Variants in DNAH10 observed in about 807,000 individuals in gnomAD.
DNAH10 encodes dynein axonemal heavy chain 10.
In DNAH10, 348 loss-of-function variants were observed where a neutral mutation model predicts 506.6. The observed-to-expected ratio is 0.69, with a 90% CI of 0.63 to 0.75. The LOEUF (loss-of-function observed/expected upper bound fraction) is 0.75. Among genes scored for constraint, DNAH10 ranks in the 30% least tolerant of loss-of-function variants. The pLI is 0.00. For missense variants in DNAH10, 5,179 were observed against 5,787.1 expected (o/e 0.89, Z 3.41); for synonymous variants, 2,059 against 2,198.6 (o/e 0.94, Z 1.78).
At chr12:123,806,033 C>A (rs1454533737) in intron 18 of DNAH10, among the ~76,000 whole-genome samples, 3 of 152,180 alleles carry the variant, frequency 2.0e-5, no homozygotes, top group Admixed American at 6.5e-5. Flanking sequence ...GCGTTGGCCT[C>A]CCAAAGTGCT....
chr12:123,781,971 G>C (rs888376108), intron 6 of DNAH10, among the ~76,000 whole-genome samples: 1 of 152,054 alleles, frequency 6.6e-6, no homozygotes, highest in Non-Finnish European at 1.5e-5. Context: ...CACTCAGTGG[G>C]TGTTTTCAGT....
chr12:123,865,264 T>C (rs1594231599), intron 40 of DNAH10, among the ~76,000 whole-genome samples: 1 of 40,610 alleles, frequency 2.5e-5, no homozygotes, highest in East Asian at 3.8e-4. Context: ...TTTAATCTCA[T>C]TTTTTTTTTT....
Position 123,850,987 on chromosome 12 carries a change from G to C in DNAH10, c.6202G>C (p.Ala2068Pro), listed in dbSNP as rs779681668. Reference sequence around the variant, plus strand: ...CACGGAGCTGCCCGAGTCGGTGAAGGCGCTGTTCAGGCCTGTGGTCGTGAT... The same window carrying C: ...CACGGAGCTGCCCGAGTCGGTGAAGCCGCTGTTCAGGCCTGTGGTCGTGAT... ...GRTELPESVK[A>P]LFRPVVVIVP... Residue 2068 changes from alanine (A) to proline (P), a missense_variant, in exon 35 of 79, where the codon GCG becomes CCG. Around this residue, in one of 3 missense-constraint regions of DNAH10, gnomAD observed 4,844 missense variants for 5,430.5 expected, o/e 0.89. Coordinates refer to ENST00000673944, the MANE Select transcript of DNAH10 (RefSeq NM_001372106.1). The surrounding 1 kb of genome is among the most constrained non-coding windows in gnomAD (Gnocchi z 5.5). 1 of 1,614,108 alleles carries C rather than the reference G, an allele frequency of 6.2e-7. No homozygotes were observed. The highest frequency in any genetic ancestry group is 1.1e-5 in the South Asian group (1 of 91,074).
intron 41 of DNAH10, among the ~76,000 whole-genome samples, 193 bp downstream of exon 41, chr12:123,866,266 C>T (rs1337470422): frequency 4.8e-4 from 25 of 52,510 alleles, no homozygotes; most frequent in Admixed American, 1.5e-3. Flanking sequence ...TTTTTGGAGA[C>T]GGAGTCTCGC....
intron 1 of DNAH10, among the ~76,000 whole-genome samples, chr12:123,766,116 A>G (rs548802499): frequency 6.9e-5 from 10 of 144,352 alleles, no homozygotes; most frequent in Non-Finnish European, 1.1e-4. Flanking sequence ...CTGTCTGTCT[A>G]TCTATCTATA....
Position 123,845,812 on chromosome 12 carries a change from C to G in DNAH10, c.5573C>G (p.Thr1858Ser), listed in dbSNP as rs565998620. Residue 1858 changes from threonine to serine, a missense_variant, in exon 31 of 79, where the codon ACT (threonine) becomes AGT (serine). Physicochemically the swap from Thr to Ser is moderately conservative, Grantham distance 58 (BLOSUM62 1). Around this residue, in one of 3 missense-constraint regions of DNAH10, gnomAD observed 4,844 missense variants for 5,430.5 expected, o/e 0.89. Transcript: ENST00000673944. ...AAAAACGACAGGAAAAAATACAACA[C>G]TGTTCTCATCATTGATGTGCATGCC... The part of the protein sequence containing the change: ...LSKNDRKKYN[T>S]VLIIDVHARD... 2 of 1,614,028 alleles carry G rather than the reference C, an allele frequency of 1.2e-6. No homozygotes were observed. Among genetic ancestry groups the G allele is most frequent in the African/African-American group, 1.3e-5 (1 of 75,050 alleles).
In DNAH10 at chr12:123,857,243, TC is replaced by T; in HGVS notation, c.6628del (p.Gln2210ArgfsTer13). On this transcript the variant is annotated frameshift_variant, in exon 37 of 79. Transcript: ENST00000673944. LOFTEE classifies it high-confidence loss of function. ...GAGAACGGCTACGCGGTCCTACCCA[TC>T]CAGGTAAAGCCAGGAAAATGACCTC... ...LEENGYAVLP[I>X]QVDKVVQMFE... 6.4e-7 allele frequency: 1 copy of T among 1,554,284 alleles called. No homozygotes were observed. Among genetic ancestry groups the T allele is most frequent in the Non-Finnish European group, 8.7e-7 (1 of 1,146,066 alleles).
chr12:123,812,304 A>T (rs143034219), intron 19 of DNAH10, among the ~76,000 whole-genome samples: 2,179 of 152,168 alleles, frequency 0.014, 44 homozygotes, highest in African/African-American at 0.043. Flanking sequence ...ACCAAAAATT[A>T]TCTGGATGTG....
At chr12:123,833,001 C>T in intron 26 of DNAH10, 113 bp from the exon 27 acceptor site, 1 of 741,780 alleles carries the variant, frequency 1.3e-6, no homozygotes, top group Non-Finnish European at 2.3e-6. Flanking sequence ...GAAACAGACC[C>T]AGGACTCCGA....
chr12:123,789,990 C>T lies in DNAH10; in HGVS notation c.1684C>T (p.Arg562Cys), dbSNP rs375391848. ...ELKAVTGDPKRIDDVLCRVDG... is the reference protein window; with the variant it reads ...ELKAVTGDPKCIDDVLCRVDG... ...AAAGGCAGTGACGGGGGACCCCAAG[C>T]GCATTGATGATGTCCTATGCAGAGT... The change falls in exon 11 of 79, where the codon CGC becomes TGC. Residue 562 changes from arginine to cysteine, a missense_variant. By Grantham distance (180) the Arg-to-Cys change is radical. Transcript: ENST00000673944. 4.5e-5 allele frequency: 72 copies of T among 1,614,106 alleles called. No individual in the cohort carries two copies. Among genetic ancestry groups the T allele is most frequent in the East Asian group, 2.5e-4 (11 of 44,882 alleles).
chr12:123,851,443 C>A (rs908893345), intron 35 of DNAH10, among the ~76,000 whole-genome samples: 1 of 151,276 alleles, frequency 6.6e-6, no homozygotes, highest in Non-Finnish European at 1.5e-5. Context: ...TTTTTTTCTG[C>A]TGTGTCTCTC....
chr12:123,859,908 G>C (rs564929190), intron 38 of DNAH10, among the ~76,000 whole-genome samples: 58 of 152,000 alleles, frequency 3.8e-4, no homozygotes, highest in Admixed American at 9.8e-4. Context: ...ATGTGCACCT[G>C]TAGTACAGCT....
Position 123,928,572 on chromosome 12 carries a change from G to A in DNAH10, c.12291G>A (p.Leu4097=), listed in dbSNP as rs539456172. ...DPTKGFPIGI[L]QKSLKVVTEP... ...CCAAGGGCTTCCCCATTGGGATTCTGCAGAAGTCCCTAAAGGTCTGGCTTC... is the reference window on the plus strand; with the variant it reads ...CCAAGGGCTTCCCCATTGGGATTCTACAGAAGTCCCTAAAGGTCTGGCTTC... The change falls in exon 70 of 79, where the codon CTG becomes CTA. Residue 4097 remains leucine, a synonymous_variant. Coordinates refer to ENST00000673944, the MANE Select transcript of DNAH10 (RefSeq NM_001372106.1). The surrounding 1 kb of genome is among the most constrained non-coding windows in gnomAD (Gnocchi z 4.9). 66 of 1,602,834 alleles carry A rather than the reference G, an allele frequency of 4.1e-5. No homozygotes were observed. The East Asian group carries it at 1.4e-3, about 34-fold the overall frequency.
intron 72 of DNAH10, 35 bp downstream of exon 72, chr12:123,929,794 C>T: frequency 1.9e-6 from 3 of 1,582,542 alleles, no homozygotes; most frequent in Non-Finnish European, 2.6e-6. Context: ...GCAGGTGCCT[C>T]TGGGGCTACA....
chr12:123,834,617 C>CT (rs1960938779), intron 27 of DNAH10, among the ~76,000 whole-genome samples: 1 of 152,214 alleles, frequency 6.6e-6, no homozygotes, highest in Admixed American at 6.5e-5. Flanking sequence ...ACCACCACCT[C>CT]TAATTCCAGA....
chr12:123,846,963 A>G lies in DNAH10; in HGVS notation c.5814+809A>G, dbSNP rs1950969925. 6.6e-6 allele frequency among the ~76,000 whole-genome samples: 1 copy of G among 152,170 alleles called. No homozygotes were observed. On this transcript the variant is annotated intron_variant, in intron 32 of 78. Coordinates refer to ENST00000673944, the MANE Select transcript of DNAH10 (RefSeq NM_001372106.1). This position sits in a 1 kb window ranked among gnomAD's most constrained non-coding sequence, Gnocchi z 4.5. ...TGCTGCCTCCTGTGCTGTGAGTGAT[A>G]AAGTCCTTTGTTTTTGAGAAAAAGA... is the stretch of plus-strand genomic sequence containing the variant.
intron 36 of DNAH10, among the ~76,000 whole-genome samples, chr12:123,856,028 CATT>C (rs200320631): frequency 0.017 from 2,571 of 147,390 alleles, 67 homozygotes; most frequent in African/African-American, 0.059. Flanking sequence ...TTTATATGAT[CATT>C]ATTAAATATG....
At position 123,928,424 on chromosome 12, in the gene DNAH10, G is replaced by A; in HGVS notation, c.12143G>A (p.Gly4048Glu). Residue 4048 changes from glycine (G) to glutamate (E), a missense_variant, in exon 70 of 79, where the codon GGG (glycine) becomes GAG (glutamate). Physicochemically the swap from Gly to Glu is moderately conservative, Grantham distance 98. This residue lies in a region of DNAH10 where 4,844 missense variants were observed against 5,430.5 expected (regional missense o/e 0.89). Coordinates refer to ENST00000673944, the MANE Select transcript of DNAH10 (RefSeq NM_001372106.1). The surrounding 1 kb of genome is among the most constrained non-coding windows in gnomAD (Gnocchi z 4.9). ...LQLLETAVAR[G>E]QWLMLQNCHL... is the part of the protein sequence containing the mutation. ...CTGCTGGAGACGGCGGTGGCTCGGG[G>A]GCAGTGGCTGATGCTGCAGAACTGC... 2 of 1,606,728 alleles carry A rather than the reference G, an allele frequency of 1.2e-6. No individual in the cohort carries two copies. The highest frequency in any genetic ancestry group is 2.2e-5 in the East Asian group (1 of 44,614).
In DNAH10 at chr12:123,794,053, G is replaced by A. The variant is rs1958185456; in HGVS notation, c.1927G>A (p.Ala643Thr). 1.6e-6 allele frequency: 2 copies of A among 1,285,254 alleles called. No homozygotes were observed. The highest frequency in any genetic ancestry group is 2.0e-6 in the Non-Finnish European group (2 of 986,268). The allele number at this position is 1,285,254 out of a possible 1,614,324, so 79.6% of individuals were successfully genotyped here. The change falls in exon 12 of 79, where the codon GCT becomes ACT. Residue 643 changes from alanine (A) to threonine (T), a missense_variant. Coordinates refer to ENST00000673944, the MANE Select transcript of DNAH10 (RefSeq NM_001372106.1). ...ATTTAAGCACATTCGTTCACGGGAG[G>A]CTGTTAATCGACAAATGATGATGAA... ...LKFKHIRSRE[A>T]VNRQMMMKFN...
Sources: allele counts gnomAD v4.1 joint callset (sites outside exome capture counted in the v4.1 genomes callset), GRCh38; gene constraint gnomAD v4.1.1; regional missense constraint gnomAD v4.1.1; non-coding constraint Gnocchi (gnomAD v3.1); transcripts MANE v1.5; gene names NCBI Gene and HGNC (gene_info 2026-07-23, HGNC 2026-07-21).